The following TLK1 variants were observed in gnomAD, a reference collection of about 807,000 sequenced individuals.
The protein encoded by TLK1 is serine/threonine-protein kinase tousled-like 1.
In TLK1, 24 loss-of-function variants were observed where a neutral mutation model predicts 105.3. The ratio of observed to expected loss-of-function variants is 0.23; its 90% CI spans 0.17 to 0.32. The LOEUF is 0.32. TLK1 is among the 10% of genes least tolerant of loss of function. The pLI is 1.00. For missense variants in TLK1, 558 were observed against 910.5 expected, an observed-to-expected ratio of 0.61 and a Z score of 4.98; for synonymous variants, 321 against 310.4, an observed-to-expected ratio of 1.03 and a Z score of -0.36.
intron 14 of TLK1, 57 bp downstream of exon 14, chr2:171,011,316 A>G (rs1684905172): frequency 2.8e-6 from 4 of 1,429,564 alleles, no homozygotes; most frequent in Non-Finnish European, 3.8e-6. Flanking sequence ...TCTTAACCAC[A>G]TACTCCTATA....
intron 18 of TLK1, among the ~76,000 whole-genome samples, chr2:170,998,214 G>A (rs1684176642): frequency 6.6e-6 from 1 of 152,116 alleles, no homozygotes; most frequent in South Asian, 2.1e-4. Context: ...CTTAACCACT[G>A]TTCAAACTGT....
Position 171,169,911 on chromosome 2 carries a change from C to T in TLK1, c.-5-52054G>A, listed in dbSNP as rs569631508. Among the ~76,000 whole-genome samples the T allele has an allele frequency of 3.3e-5, 5 of 152,264 alleles. No individual in the cohort carries two copies. The East Asian group carries it at 7.7e-4, about 23-fold the overall frequency. On this transcript the variant is annotated intron_variant, in intron 1 of 20. Transcript: ENST00000521943. The stretch of plus-strand genomic sequence containing the variant: ...TTTTAAAGTATTTGTGGAAAGCTTT[C>T]AGGAACCCACTAGCAGAATCAGAGG...
chr2:171,108,845 C>T (rs1359219903), intron 2 of TLK1, among the ~76,000 whole-genome samples: 1 of 152,142 alleles, frequency 6.6e-6, no homozygotes, highest in African/African-American at 2.4e-5. Flanking sequence ...ATCCACCTGC[C>T]CCCGCCTCCC....
At chr2:171,040,145 A>C (rs1236064806) in intron 11 of TLK1, among the ~76,000 whole-genome samples, 1 of 152,168 alleles carries the variant, frequency 6.6e-6, no homozygotes, top group Non-Finnish European at 1.5e-5. Flanking sequence ...AAAAAGAAAA[A>C]GGGGGAGACT....
At chr2:171,100,522 T>A (rs1043432840) in intron 2 of TLK1, among the ~76,000 whole-genome samples, 1 of 152,096 alleles carries the variant, frequency 6.6e-6, no homozygotes, top group Non-Finnish European at 1.5e-5. Flanking sequence ...GTAAAACTCC[T>A]CGCCAGAAGC....
rs377341157 is a variant in TLK1 at position 171,124,934 on chromosome 2, G to T, written c.140-7077C>A. ...AACATCTGCCGGCTCATCAAGAGCC[G>T]AGAAAAACCACTCCAAATCATTTGC... On this transcript the variant is annotated intron_variant, in intron 1 of 20. Coordinates refer to ENST00000431350, the MANE Select transcript of TLK1 (RefSeq NM_012290.5). Among the ~76,000 whole-genome samples the T allele has an allele frequency of 4.3e-4, 65 of 152,270 alleles. 1 individual carries two copies. The highest frequency in any genetic ancestry group is 3.4e-3 in the Middle Eastern group (1 of 294).
intron 3 of TLK1, among the ~76,000 whole-genome samples, chr2:171,066,611 T>C (rs1208323070): frequency 1.3e-5 from 2 of 152,216 alleles, no homozygotes; most frequent in Non-Finnish European, 2.9e-5. Context: ...CCTCACATTG[T>C]GACTTCTTAA....
Position 171,043,394 on chromosome 2 carries a change from C to T in TLK1, c.1169+2780G>A, listed in dbSNP as rs971937909. On this transcript the variant is annotated intron_variant, in intron 11 of 20. Transcript: ENST00000431350. ...TGATGGCAACAATGAGGCTAGATAA[C>T]GAAGAAGGAGCCAGATCAAAAGTGC... Among the ~76,000 whole-genome samples the T allele has an allele frequency of 5.3e-5, 8 of 152,166 alleles. No homozygotes were observed. In the East Asian group the frequency reaches 5.8e-4, roughly 11 times the overall value.
At chr2:171,079,251 C>G (rs1688643916) in intron 3 of TLK1, among the ~76,000 whole-genome samples, 1 of 152,216 alleles carries the variant, frequency 6.6e-6, no homozygotes, top group South Asian at 2.1e-4. Flanking sequence ...CACAGCCTCT[C>G]TTAAAAACTC....
intron 1 of TLK1, among the ~76,000 whole-genome samples, chr2:171,187,057 C>CAAAAAAAAAAAAAAAAA (rs71013019): frequency 1.7e-3 from 57 of 34,006 alleles, no homozygotes; most frequent in African/African-American, 3.7e-3. Context: ...GACTCTGTCT[C>CAAAAAAAAAAAAAAAAA]AAAAAAAAAA....
At chr2:171,063,263 T>G (rs988740452) in intron 3 of TLK1, among the ~76,000 whole-genome samples, 1 of 151,992 alleles carries the variant, frequency 6.6e-6, no homozygotes, top group Admixed American at 6.6e-5. Context: ...CAAGACTCGC[T>G]TGAACACAGG....
rs1024495370 is a variant in TLK1, at chr2:170,993,138, A to G, written c.*642T>C. On this transcript the variant is annotated 3_prime_UTR_variant, in exon 21 of 21. Transcript: ENST00000431350. ...TAGAAATAATAGCTCTCCCTTTAAT[A>G]TAACCAGTGAAAGAAAACGGACATG... The G allele has an allele frequency of 6.5e-6, 1 of 152,692 alleles. No homozygotes were observed. The highest frequency in any genetic ancestry group is 1.5e-5 in the Non-Finnish European group (1 of 68,052). The allele number at this position is 152,692 out of a possible 1,614,324, so 9.5% of individuals were successfully genotyped here. A position where few individuals can be genotyped will look rare whatever the true frequency, so the allele number is the denominator to read the frequency against.
chr2:170,997,906 G>A (rs80037512), intron 18 of TLK1, 83 bp from the exon 19 acceptor site: 38,334 of 764,076 alleles, frequency 0.05, 1,286 homozygotes, highest in Non-Finnish European at 0.058. Context: ...CTTAGAACAC[G>A]AATTTTATTC....
intron 2 of TLK1, among the ~76,000 whole-genome samples, chr2:171,096,353 T>C (rs1433218165): frequency 2.0e-5 from 3 of 152,148 alleles, no homozygotes; most frequent in East Asian, 3.9e-4. Context: ...TAAAATAAAC[T>C]TTTTTTAAAA....
intron 2 of TLK1, among the ~76,000 whole-genome samples, chr2:171,102,347 T>C (rs1689727005): frequency 6.6e-6 from 1 of 152,212 alleles, no homozygotes; most frequent in South Asian, 2.1e-4. Context: ...ACCTTAAATA[T>C]AATATTTTCT....
In TLK1 at chr2:171,069,756, C is replaced by T. The variant is rs570699124; in HGVS notation, c.331-8600G>A. ...TTACCAGAGGCTATATGACATGTGA[C>T]GACATCTCACTGGATGATTTATGGA... On this transcript the variant is annotated intron_variant, in intron 3 of 20. Coordinates refer to ENST00000431350, the MANE Select transcript of TLK1 (RefSeq NM_012290.5). Among the ~76,000 whole-genome samples, 8 of 152,254 alleles carry T rather than the reference C, an allele frequency of 5.3e-5. No homozygotes were observed. In the East Asian group the frequency reaches 5.8e-4, roughly 11 times the overall value.
chr2:171,137,488 T>C (rs1288148605), intron 1 of TLK1, among the ~76,000 whole-genome samples: 2 of 152,298 alleles, frequency 1.3e-5, no homozygotes, highest in African/African-American at 4.8e-5. Flanking sequence ...CATCTACATA[T>C]ACACCCAGGC....
chr2:171,072,940 A>T (rs1366333410), intron 3 of TLK1, among the ~76,000 whole-genome samples: 2 of 151,828 alleles, frequency 1.3e-5, no homozygotes, highest in Admixed American at 1.3e-4. Context: ...AAAAAAAAAA[A>T]AAAAAAGATT....
At chr2:171,146,157 C>T (rs1168318071) in intron 1 of TLK1, among the ~76,000 whole-genome samples, 2 of 152,030 alleles carry the variant, frequency 1.3e-5, no homozygotes, top group Non-Finnish European at 2.9e-5. Flanking sequence ...AAGACTTATA[C>T]TCATTAAAGT....
Sources: gnomAD v4.1 joint callset for allele counts (sites outside exome capture counted in the v4.1 genomes callset) on GRCh38, gnomAD v4.1.1 for gene constraint, MANE v1.5 for transcripts, NCBI Gene and HGNC (gene_info 2026-07-23, HGNC 2026-07-21) for gene names.